The following DOCK5 variants were observed in gnomAD, a reference collection of about 807,000 sequenced individuals.
The protein encoded by DOCK5 is dedicator of cytokinesis protein 5.
DOCK5 carries 142 observed loss-of-function variants against 251.8 expected under a neutral mutation model. The ratio of observed to expected loss-of-function variants is 0.56; its 90% CI spans 0.49 to 0.65. DOCK5 has a LOEUF of 0.65. DOCK5 is among the 30% of genes least tolerant of loss of function. The pLI is 0.00. For synonymous variants in DOCK5, 842 were observed against 835.5 expected (o/e 1.01, Z -0.13); for missense variants, 2,111 against 2,312.3 (o/e 0.91, Z 1.79).
chr8:25,367,060 A>G (rs1007778155), intron 31 of DOCK5, 90 bp downstream of exon 31: 2 of 1,123,412 alleles, frequency 1.8e-6, no homozygotes, highest in African/African-American at 1.6e-5. Context: ...AGAAATTACT[A>G]TTTAGTGGCT....
intron 40 of DOCK5, among the ~76,000 whole-genome samples, chr8:25,385,909 AAAAGTT>A (rs1801157191): frequency 6.6e-6 from 1 of 152,204 alleles, no homozygotes; most frequent in South Asian, 2.1e-4. Flanking sequence ...AAACCAGAAA[AAAAGTT>A]AAAGAATAAG....
At chr8:25,404,565 CATTTTGG>C (rs1181993175) in intron 48 of DOCK5, among the ~76,000 whole-genome samples, 3 of 152,094 alleles carry the variant, frequency 2.0e-5, no homozygotes, top group East Asian at 3.9e-4. Flanking sequence ...CATTTTGGAG[CATTTTGG>C]ATTTTGGATT....
Position 25,216,215 on chromosome 8 carries a change from A to G in DOCK5, c.44-27459A>G, listed in dbSNP as rs1234465320. Among the ~76,000 whole-genome samples the G allele has an allele frequency of 1.6e-5, 2 of 127,370 alleles. 1 individual carries two copies. The highest frequency in any genetic ancestry group is 6.1e-5 in the African/African-American group (2 of 32,848). 83.6% of individuals were successfully genotyped at this position (127,370 alleles called of 152,430 possible). ...TATATGTATACAATATGTGCATACA[A>G]TATGTATATATGTATACAATATGTG... On this transcript the variant is annotated intron_variant, in intron 1 of 51. Transcript: ENST00000276440.
At chr8:25,306,247 G>A (rs1804921579) in intron 11 of DOCK5, among the ~76,000 whole-genome samples, 1 of 152,126 alleles carries the variant, frequency 6.6e-6, no homozygotes. Flanking sequence ...CTTCCAAGAC[G>A]AGACAAATAT....
chr8:25,315,197 C>A (rs1416436135), intron 13 of DOCK5, among the ~76,000 whole-genome samples: 1 of 137,724 alleles, frequency 7.3e-6, no homozygotes, highest in Non-Finnish European at 1.6e-5. Flanking sequence ...TCTGCAGCCT[C>A]ATCTCACACC....
intron 41 of DOCK5, among the ~76,000 whole-genome samples, 154 bp from the exon 42 acceptor site, chr8:25,390,052 G>T (rs1242282094): frequency 6.6e-6 from 1 of 151,984 alleles, no homozygotes; most frequent in Non-Finnish European, 1.5e-5. Flanking sequence ...ATACACAAAG[G>T]AACTCCCATT....
At position 25,408,936 on chromosome 8, in the gene DOCK5, C is replaced by T. The variant is rs1355612492; in HGVS notation, c.5400C>T (p.Thr1800=). 1.2e-5 allele frequency: 19 copies of T among 1,613,828 alleles called. No homozygotes were observed. The highest frequency in any genetic ancestry group is 1.5e-5 in the Non-Finnish European group (18 of 1,179,894). ...CACTCACTCCCAAAGCCACCAGGACCCTAAGTAAGTTTTCCTGTATTCCTT... is the reference window on the plus strand; with the variant it reads ...CACTCACTCCCAAAGCCACCAGGACTCTAAGTAAGTTTTCCTGTATTCCTT... ...PPPLTPKATR[T]LSSPSLQTDG... The change falls in exon 50 of 52, where the codon ACC becomes ACT. Residue 1800 remains threonine (T), a synonymous_variant. Transcript: ENST00000276440.
At chr8:25,324,784 T>TCCCCCCC in intron 17 of DOCK5, among the ~76,000 whole-genome samples, 1 of 139,938 alleles carries the variant, frequency 7.1e-6, no homozygotes, top group East Asian at 2.2e-4. Context: ...CCTAATGCTA[T>TCCCCCCC]CCCTCCCCCC....
intron 28 of DOCK5, among the ~76,000 whole-genome samples, chr8:25,359,598 A>G (rs1800640762): frequency 6.6e-6 from 1 of 152,260 alleles, no homozygotes; most frequent in Admixed American, 6.5e-5. Flanking sequence ...CAGCAGAGGC[A>G]TTAGATTCTC....
intron 4 of DOCK5, chr8:25,277,425 A>G (rs903747690): frequency 1.3e-5 from 2 of 152,392 alleles, no homozygotes; most frequent in African/African-American, 4.8e-5. Context: ...AAAGGATTCC[A>G]AAACAGTAAA....
intron 5 of DOCK5, among the ~76,000 whole-genome samples, chr8:25,284,311 A>T (rs538796180): frequency 4.6e-5 from 7 of 152,206 alleles, no homozygotes; most frequent in Non-Finnish European, 1.0e-4. Flanking sequence ...GCCCCTGACT[A>T]ACCCCTCACA....
At chr8:25,385,264 G>A (rs940730380) in intron 40 of DOCK5, among the ~76,000 whole-genome samples, 1 of 152,160 alleles carries the variant, frequency 6.6e-6, no homozygotes, top group Non-Finnish European at 1.5e-5. Flanking sequence ...TTGTCTCCAT[G>A]GTCATCCATG....
intron 34 of DOCK5, 38 bp from the exon 35 acceptor site, chr8:25,372,521 T>G (rs762254188): frequency 6.5e-7 from 1 of 1,540,220 alleles, no homozygotes; most frequent in African/African-American, 1.4e-5. Flanking sequence ...AATGATAGCA[T>G]GGAACCTGGG....
At position 25,408,795 on chromosome 8, in the gene DOCK5, G is replaced by A. The variant is rs776137260; in HGVS notation, c.5266-7G>A. On this transcript the variant is annotated splice_polypyrimidine_tract_variant and splice_region_variant and intron_variant, in intron 49 of 51. Coordinates refer to ENST00000276440, the MANE Select transcript of DOCK5 (RefSeq NM_024940.8). ...GAAAATGTTTTGCTTTTTCTCTCTG[G>A]TCCTAGAGCCCAACCAGAAAAGCAC... 2 of 1,613,748 alleles carry A rather than the reference G, an allele frequency of 1.2e-6. No individual in the cohort carries two copies. Among genetic ancestry groups the A allele is most frequent in the Admixed American group, 1.7e-5 (1 of 59,982 alleles).
chr8:25,409,263 G>A (rs1730095910), intron 50 of DOCK5, among the ~76,000 whole-genome samples: 1 of 152,136 alleles, frequency 6.6e-6, no homozygotes, highest in African/African-American at 2.4e-5. Flanking sequence ...ACCTGAACAG[G>A]GACAAGAAAT....
intron 16 of DOCK5, 51 bp from the exon 17 acceptor site, chr8:25,323,797 G>C: frequency 6.3e-7 from 1 of 1,576,270 alleles, no homozygotes; most frequent in South Asian, 1.1e-5. Context: ...CATAGCCATC[G>C]CCTCCTGGTG....
At chr8:25,391,792 G>C in intron 42 of DOCK5, 104 bp from the exon 43 acceptor site, 1 of 955,250 alleles carries the variant, frequency 1.0e-6, no homozygotes, top group African/African-American at 1.7e-5. Flanking sequence ...AGCTTAGTGG[G>C]TAAAACTCAG....
Position 25,340,951 on chromosome 8 carries a change from T to G in DOCK5, c.2402T>G (p.Leu801Arg), listed in dbSNP as rs1238528618. The G allele has an allele frequency of 6.2e-7, 1 of 1,613,338 alleles. No homozygotes were observed. The highest frequency in any genetic ancestry group is 8.5e-7 in the Non-Finnish European group (1 of 1,179,654). ...IRQLFLAFNM[L>R]MDRPLEEAVK... ...CAGTTATTTCTTGCTTTCAATATGC[T>G]GATGGACAGGCCTCTGGAGGAAGCC... The change falls in exon 23 of 52, where the codon CTG becomes CGG. Residue 801 changes from leucine (L) to arginine (R), a missense_variant. Around this residue, in one of 3 missense-constraint regions of DOCK5, gnomAD observed 1,717 missense variants for 1,892.4 expected, o/e 0.91. Coordinates refer to ENST00000276440, the MANE Select transcript of DOCK5 (RefSeq NM_024940.8).
At position 25,332,255 on chromosome 8, in the gene DOCK5, C is replaced by T. The variant is rs1204790340; in HGVS notation, c.1908C>T (p.Asp636=). The T allele has an allele frequency of 6.2e-7, 1 of 1,613,116 alleles. No homozygotes were observed. The highest frequency in any genetic ancestry group is 1.7e-5 in the Admixed American group (1 of 59,992). The change falls in exon 19 of 52, where the codon GAC becomes GAT. Residue 636 remains aspartate (D), a synonymous_variant. Transcript: ENST00000276440. ...ICSTKLTQNV[D]LLGLLNWRSN... ...GTTTGTGGTTGTTCTTCCTAGTTGA[C>T]CTGTTAGGCTTGTTAAATTGGCGTT... is the stretch of plus-strand genomic sequence containing the variant.
Sources: allele counts gnomAD v4.1 joint callset (sites outside exome capture counted in the v4.1 genomes callset), GRCh38; gene constraint gnomAD v4.1.1; regional missense constraint gnomAD v4.1.1; transcripts MANE v1.5; gene names NCBI Gene and HGNC (gene_info 2026-07-23, HGNC 2026-07-21).